The following ZNF362 variants were observed in gnomAD, a reference collection of about 807,000 sequenced individuals.
ZNF362 encodes rotund homolog.
A neutral mutation model predicts 42.9 loss-of-function variants in ZNF362; 11 were observed. The observed-to-expected ratio is 0.26, with a 90% CI of 0.16 to 0.42. The LOEUF (loss-of-function observed/expected upper bound fraction) is 0.42, where lower values mean the gene tolerates loss of function less well. Among genes scored for constraint, ZNF362 ranks in the 20% least tolerant of loss-of-function variants. ZNF362 has a pLI of 1.00. For missense variants in ZNF362, 362 were observed against 576.2 expected (o/e 0.63, Z 3.81); for synonymous variants, 255 against 257.3 (o/e 0.99, Z 0.09).
chr1:33,251,318 C>T, the ZNF362 span, among the ~76,000 whole-genome samples: 43 of 152,338 alleles, frequency 2.8e-4, no homozygotes, highest in African/African-American at 1.0e-3. Flanking sequence ...CTCCCCACAT[C>T]TATCAGTCAC....
At chr1:33,236,556 T>A in the ZNF362 span, among the ~76,000 whole-genome samples, 1,203 of 21,312 alleles carry the variant, frequency 0.056, 38 homozygotes, top group Non-Finnish European at 0.1. Context: ...AAAAAATATA[T>A]ATATATATAT....
chr1:33,181,090 C>T, the ZNF362 span: 3 of 1,599,304 alleles, frequency 1.9e-6, no homozygotes, highest in Non-Finnish European at 2.5e-6. This position sits in a 1 kb window ranked among gnomAD's most constrained non-coding sequence, Gnocchi z 6.5. Context: ...GCAGGCTCGT[C>T]GCAGAAGAAG....
chr1:33,254,137 T>C (rs927852245), upstream of ZNF362, among the ~76,000 whole-genome samples: 4 of 96,710 alleles, frequency 4.1e-5, no homozygotes, highest in Admixed American at 4.3e-4. Context: ...GTCTGTTTTT[T>C]TTTTTTGAGA....
chr1:33,249,002 G>T, the ZNF362 span, among the ~76,000 whole-genome samples: 1 of 152,122 alleles, frequency 6.6e-6, no homozygotes, highest in African/African-American at 2.4e-5. Flanking sequence ...TGAAGGAAGA[G>T]ATATGTATTG....
chr1:33,156,996 G>C, the ZNF362 span, among the ~76,000 whole-genome samples: 1 of 145,184 alleles, frequency 6.9e-6, no homozygotes, highest in Non-Finnish European at 1.5e-5. Context: ...ATTATGCAGT[G>C]GTCTCCTAAC....
the ZNF362 span, among the ~76,000 whole-genome samples, chr1:33,221,163 G>A: frequency 2.0e-5 from 3 of 152,210 alleles, no homozygotes; most frequent in African/African-American, 7.2e-5. Flanking sequence ...CCCTGGGATT[G>A]GCAGTGGGTG....
the ZNF362 span, among the ~76,000 whole-genome samples, chr1:33,128,729 C>T: frequency 1.3e-5 from 2 of 152,206 alleles, no homozygotes; most frequent in Non-Finnish European, 2.9e-5. Context: ...GGTCCTATAA[C>T]TTGTCTCTCA....
chr1:33,147,418 T>G, the ZNF362 span: 2 of 1,614,114 alleles, frequency 1.2e-6, no homozygotes, highest in South Asian at 2.2e-5. This position sits in a 1 kb window ranked among gnomAD's most constrained non-coding sequence, Gnocchi z 8.1. Context: ...GGCGCTGTAC[T>G]GGTTGCCATC....
At chr1:33,289,779 C>T (rs919198460) in intron 6 of ZNF362, among the ~76,000 whole-genome samples, 1 of 152,116 alleles carries the variant, frequency 6.6e-6, no homozygotes, top group Non-Finnish European at 1.5e-5. Flanking sequence ...GGGAATGAGC[C>T]CAAGGGAGTT....
the ZNF362 span, among the ~76,000 whole-genome samples, chr1:33,179,928 ATATAC>A: frequency 1.3e-5 from 2 of 152,256 alleles, no homozygotes; most frequent in Non-Finnish European, 2.9e-5. Flanking sequence ...GGTATAAAAA[ATATAC>A]TATATTTCCC....
At chr1:33,187,530 G>A in the ZNF362 span, among the ~76,000 whole-genome samples, 1 of 152,208 alleles carries the variant, frequency 6.6e-6, no homozygotes, top group African/African-American at 2.4e-5. Flanking sequence ...CACTGCTGTA[G>A]TTGGTCCTAA....
chr1:33,200,480 T>A, the ZNF362 span: 4 of 152,176 alleles, frequency 2.6e-5, no homozygotes, highest in African/African-American at 9.7e-5. Flanking sequence ...GTAAAAGATT[T>A]AAATACTCCA....
At chr1:33,259,669 CAT>C (rs1645816783) in intron 1 of ZNF362, among the ~76,000 whole-genome samples, 1 of 152,240 alleles carries the variant, frequency 6.6e-6, no homozygotes, top group African/African-American at 2.4e-5. Context: ...ACTGGACAGA[CAT>C]GTGAGATACA....
the ZNF362 span, among the ~76,000 whole-genome samples, chr1:33,215,039 C>A: frequency 1.3e-5 from 2 of 152,238 alleles, no homozygotes; most frequent in Non-Finnish European, 2.9e-5. Context: ...TAGATATCTG[C>A]GCTCCCATGT....
Position 33,276,494 on chromosome 1 carries a change from G to T in ZNF362, c.249G>T (p.Met83Ile). ...PAPAESSQAV[M>I]SLPKLQQVPG... ...CCGCCGAGAGCAGCCAGGCCGTCAT[G>T]TCGCTGCCCAAGCTGCAGCAGGTGC... The change falls in exon 4 of 9, where the codon ATG becomes ATT. Residue 83 changes from methionine (M) to isoleucine (I), a missense_variant. Around this residue, in one of 3 missense-constraint regions of ZNF362, gnomAD observed 266 missense variants for 365.4 expected, o/e 0.73. Coordinates refer to ENST00000539719, the MANE Select transcript of ZNF362 (RefSeq NM_152493.3). 1 of 1,582,498 alleles carries T rather than the reference G, an allele frequency of 6.3e-7. No homozygotes were observed. The highest frequency in any genetic ancestry group is 8.6e-7 in the Non-Finnish European group (1 of 1,168,332).
chr1:33,190,875 T>C, the ZNF362 span, among the ~76,000 whole-genome samples: 1 of 152,198 alleles, frequency 6.6e-6, no homozygotes, highest in African/African-American at 2.4e-5. Context: ...TCCTGTCAGC[T>C]TCCTGTTCCT....
At chr1:33,158,654 G>A in the ZNF362 span, among the ~76,000 whole-genome samples, 2 of 152,098 alleles carry the variant, frequency 1.3e-5, no homozygotes, top group East Asian at 1.9e-4. Context: ...GCTCGGTCAC[G>A]GTCAATGCCA....
chr1:33,156,415 C>T, the ZNF362 span, among the ~76,000 whole-genome samples: 30 of 152,332 alleles, frequency 2.0e-4, no homozygotes, highest in African/African-American at 6.5e-4. Flanking sequence ...ATAGTCTCTT[C>T]TGGGTTCTCC....
chr1:33,297,248 C>T lies in ZNF362; in HGVS notation c.1147-1682C>T, dbSNP rs970976645. ...GCCTCTCTCCAAGGCTCAAGTTTTC[C>T]ATAACCTCCTACACCATCAACCAAT... is the stretch of plus-strand genomic sequence containing the variant. On this transcript the variant is annotated intron_variant, in intron 8 of 8. Coordinates refer to ENST00000539719, the MANE Select transcript of ZNF362 (RefSeq NM_152493.3). 3.9e-5 allele frequency among the ~76,000 whole-genome samples: 6 copies of T among 152,304 alleles called. No individual in the cohort carries two copies. The East Asian group carries it at 1.2e-3, about 29-fold the overall frequency.
Sources: gnomAD v4.1 joint callset for allele counts (sites outside exome capture counted in the v4.1 genomes callset) on GRCh38, gnomAD v4.1.1 for gene constraint, gnomAD v4.1.1 regional missense constraint, Gnocchi (gnomAD v3.1) non-coding constraint, MANE v1.5 for transcripts, NCBI Gene and HGNC (gene_info 2026-07-23, HGNC 2026-07-21) for gene names.